The following BMP6 variants were observed in gnomAD, a reference collection of about 807,000 sequenced individuals.
The protein encoded by BMP6 is bone morphogenetic protein 6, also known as VG-1-R.
Under a neutral mutation model 54.1 loss-of-function variants are expected in BMP6, and 17 were observed. The ratio of observed to expected loss-of-function variants is 0.31; its 90% CI spans 0.22 to 0.47. BMP6 has a LOEUF of 0.47. BMP6 is among the 20% of genes least tolerant of loss of function. The pLI is 1.00. For missense variants in BMP6, 720 were observed against 690.4 expected (o/e 1.04, Z -0.48); for synonymous variants, 328 against 291.2 (o/e 1.13, Z -1.28).
chr6:7,811,912 TTAAC>T (rs1338064808), intron 1 of BMP6, among the ~76,000 whole-genome samples: 3 of 152,270 alleles, frequency 2.0e-5, no homozygotes, highest in Admixed American at 6.5e-5. Context: ...ACTGGGATTC[TTAAC>T]TAAGTGAAAA....
intron 1 of BMP6, among the ~76,000 whole-genome samples, chr6:7,751,708 C>T (rs910873311): frequency 4.6e-5 from 7 of 152,298 alleles, no homozygotes; most frequent in African/African-American, 1.4e-4. Context: ...AGTGGAGTCA[C>T]TTCATTGGGC....
At chr6:7,806,621 G>T (rs1472286865) in intron 1 of BMP6, among the ~76,000 whole-genome samples, 3 of 151,658 alleles carry the variant, frequency 2.0e-5, no homozygotes, top group African/African-American at 4.8e-5. Context: ...AAAAACAAGT[G>T]ATTTAAACAA....
rs1317834175 is a variant in BMP6, at chr6:7,821,379, T to A, written c.665-23761T>A. Among the ~76,000 whole-genome samples, 3 of 152,168 alleles carry A rather than the reference T, an allele frequency of 2.0e-5. No individual in the cohort carries two copies. In the South Asian group the frequency reaches 6.2e-4, roughly 31 times the overall value. On this transcript the variant is annotated intron_variant, in intron 1 of 6. Transcript: ENST00000283147. ...GCCTTGGGCCAACTCTTTTGTCATC[T>A]CTGCTCTCAGAATTACTCAACTGAG...
At chr6:7,785,280 T>C (rs1435205680) in intron 1 of BMP6, among the ~76,000 whole-genome samples, 1 of 152,224 alleles carries the variant, frequency 6.6e-6, no homozygotes, top group Admixed American at 6.5e-5. Context: ...GTGCAAGGAA[T>C]TATTGCTGTA....
At chr6:7,745,254 T>TA (rs1457223631) in intron 1 of BMP6, among the ~76,000 whole-genome samples, 5 of 152,250 alleles carry the variant, frequency 3.3e-5, no homozygotes, top group Admixed American at 6.5e-5. Flanking sequence ...AGTGTGTCTC[T>TA]AAAAAAATGG....
At chr6:7,759,065 C>T (rs752750208) in intron 1 of BMP6, among the ~76,000 whole-genome samples, 1 of 152,200 alleles carries the variant, frequency 6.6e-6, no homozygotes, top group Non-Finnish European at 1.5e-5. Flanking sequence ...ATTGAATTAT[C>T]TCCTGAATGG....
At chr6:7,773,474 G>C (rs915404963) in intron 1 of BMP6, among the ~76,000 whole-genome samples, 2 of 152,170 alleles carry the variant, frequency 1.3e-5, no homozygotes, top group African/African-American at 4.8e-5. Flanking sequence ...GTATCCTATA[G>C]ACAAGATCAG....
intron 1 of BMP6, among the ~76,000 whole-genome samples, chr6:7,733,176 G>T (rs960606231): frequency 6.6e-6 from 1 of 152,144 alleles, no homozygotes; most frequent in Non-Finnish European, 1.5e-5. Flanking sequence ...AAAGTGCTGG[G>T]ATTACAGGCT....
chr6:7,831,989 A>G (rs1419445413), intron 1 of BMP6, among the ~76,000 whole-genome samples: 1 of 152,208 alleles, frequency 6.6e-6, no homozygotes, highest in African/African-American at 2.4e-5. Context: ...ATGAAGGTGA[A>G]CATGACATGG....
rs758473354 is a variant in BMP6 at position 7,727,534 on chromosome 6, C to G, written c.579C>G (p.Gly193=). The G allele has an allele frequency of 1.3e-6, 2 of 1,595,062 alleles. No individual in the cohort carries two copies. The highest frequency in any genetic ancestry group is 1.3e-5 in the African/African-American group (1 of 74,532). ...AGAGCCTTCTGGCCCCCGGATCTGG[C>G]AGCGGCGGCGCGTCCCCACTGACCA... ...NRKSLLAPGS[G]SGGASPLTSA... Residue 193 remains glycine, a synonymous_variant, in exon 1 of 7, where the codon GGC becomes GGG. Transcript: ENST00000283147.
At chr6:7,832,453 C>T (rs969840321) in intron 1 of BMP6, among the ~76,000 whole-genome samples, 1 of 152,070 alleles carries the variant, frequency 6.6e-6, no homozygotes, top group Non-Finnish European at 1.5e-5. Context: ...AAGAGGCCCT[C>T]ATCAGCACCT....
Position 7,770,421 on chromosome 6 carries a change from T to C in BMP6, c.664+42802T>C, listed in dbSNP as rs79962595. On this transcript the variant is annotated intron_variant, in intron 1 of 6. Coordinates refer to ENST00000283147, the MANE Select transcript of BMP6 (RefSeq NM_001718.6). The stretch of plus-strand genomic sequence containing the variant: ...TAACAATTGGTTCTGTCTCTGGGCC[T>C]TGTGACCTACCCGGTAAAGATTGCA... Among the ~76,000 whole-genome samples the C allele has an allele frequency of 2.6e-4, 40 of 152,302 alleles. 1 individual carries two copies. The East Asian group carries it at 7.7e-3, about 29-fold the overall frequency.
intron 4 of BMP6, among the ~76,000 whole-genome samples, chr6:7,863,876 T>C (rs1319103893): frequency 1.3e-5 from 2 of 151,922 alleles, no homozygotes; most frequent in Non-Finnish European, 2.9e-5. Flanking sequence ...AAAAATTAGC[T>C]GGGTGTGGTG....
intron 1 of BMP6, among the ~76,000 whole-genome samples, chr6:7,743,843 A>G (rs1757304646): frequency 6.6e-6 from 1 of 152,208 alleles, no homozygotes; most frequent in Non-Finnish European, 1.5e-5. Flanking sequence ...GGCAGCAAAC[A>G]TGTTTTACTA....
chr6:7,761,523 T>G (rs988543761), intron 1 of BMP6, among the ~76,000 whole-genome samples: 1 of 152,184 alleles, frequency 6.6e-6, no homozygotes, highest in Admixed American at 6.5e-5. Flanking sequence ...GCTGGGGCAT[T>G]ACCAAGTGCA....
chr6:7,749,179 A>G (rs1757387517), intron 1 of BMP6, among the ~76,000 whole-genome samples: 1 of 152,218 alleles, frequency 6.6e-6, no homozygotes, highest in South Asian at 2.1e-4. Flanking sequence ...CACGTCACCA[A>G]TATGATTTGC....
rs1758700885 is a variant in BMP6 at position 7,826,497 on chromosome 6, C to T, written c.665-18643C>T. On this transcript the variant is annotated intron_variant, in intron 1 of 6. Coordinates refer to ENST00000283147, the MANE Select transcript of BMP6 (RefSeq NM_001718.6). ...CTTACGACTTATGTTGCACTGGGCT[C>T]CTTAATGCCAACCTCTGGGCGTTTG... 1.3e-5 allele frequency among the ~76,000 whole-genome samples: 2 copies of T among 152,068 alleles called. 1 individual carries two copies. The highest frequency in any genetic ancestry group is 4.1e-4 in the South Asian group (2 of 4,822).
rs1581221373 is a variant in BMP6, at chr6:7,727,617, T to A, written c.662T>A (p.Leu221Gln). The A allele has an allele frequency of 6.5e-7, 1 of 1,547,300 alleles. No homozygotes were observed. Among genetic ancestry groups the A allele is most frequent in the South Asian group, 1.2e-5 (1 of 83,414 alleles). Residue 221 changes from leucine to glutamine, a missense_variant and splice_region_variant, in exon 1 of 7, where the codon CTG becomes CAG. Transcript: ENST00000283147. Reference protein sequence around the residue: ...DADMVMSFVNLVEYDKEFSPR... With the variant: ...DADMVMSFVNQVEYDKEFSPR... The stretch of plus-strand genomic sequence containing the variant: ...GACATGGTCATGAGCTTTGTGAACC[T>A]GGGTAAGGATTTGGGGTAACGTAAT...
rs549138681 is a variant in BMP6 at position 7,758,866 on chromosome 6, A to T, written c.664+31247A>T. Reference sequence around the variant, plus strand: ...CCCTTCTCTGTGTGCTCCCTTGTCCACGGATGCATTTGTGGTTGGAGGGGA... The same window carrying T: ...CCCTTCTCTGTGTGCTCCCTTGTCCTCGGATGCATTTGTGGTTGGAGGGGA... On this transcript the variant is annotated intron_variant, in intron 1 of 6. Coordinates refer to ENST00000283147, the MANE Select transcript of BMP6 (RefSeq NM_001718.6). Among the ~76,000 whole-genome samples the T allele has an allele frequency of 3.3e-5, 5 of 152,288 alleles. No homozygotes were observed. In the South Asian group the frequency reaches 8.3e-4, roughly 25 times the overall value.
Sources: gnomAD v4.1 joint callset for allele counts (sites outside exome capture counted in the v4.1 genomes callset) on GRCh38, gnomAD v4.1.1 for gene constraint, MANE v1.5 for transcripts, NCBI Gene and HGNC (gene_info 2026-07-23, HGNC 2026-07-21) for gene names.